LRP6: variants seen among roughly 807,000 people sequenced by gnomAD.
The protein encoded by LRP6 is low-density lipoprotein receptor-related protein 6.
A neutral mutation model predicts 184.1 loss-of-function variants in LRP6; 43 were observed. That is an observed-to-expected ratio of 0.23 (90% CI 0.18 to 0.30). LRP6 has a LOEUF of 0.30. Ranked by LOEUF, LRP6 falls within the 10% of genes least tolerant of loss-of-function variation. The pLI, the probability that LRP6 is intolerant of heterozygous loss-of-function variation, is 1.00. For missense variants in LRP6, 1,571 were observed against 2,005.3 expected, an observed-to-expected ratio of 0.78 and a Z score of 4.14; for synonymous variants, 719 against 684.9, an observed-to-expected ratio of 1.05 and a Z score of -0.78.
intron 16 of LRP6, 103 bp downstream of exon 16, chr12:12,138,222 A>G: frequency 8.7e-7 from 1 of 1,146,114 alleles, no homozygotes; most frequent in South Asian, 1.3e-5. Context: ...CTAAAAGTGC[A>G]TGAAAGTCTT....
At chr12:12,229,003 GAA>G (rs949218063) in intron 2 of LRP6, among the ~76,000 whole-genome samples, 4 of 152,266 alleles carry the variant, frequency 2.6e-5, no homozygotes, top group South Asian at 2.1e-4. Context: ...TGTGATGCAG[GAA>G]AAGTCCTGAG....
chr12:12,163,893 G>A lies in LRP6; in HGVS notation c.2052+380C>T, dbSNP rs546504810. On this transcript the variant is annotated intron_variant, in intron 9 of 22. Coordinates refer to ENST00000261349, the MANE Select transcript of LRP6 (RefSeq NM_002336.3). ...TCACGCCTGTAATCCCAGCACTTTGGGAGGACGAAGCGGGCGGATCACGAG... is the reference window on the plus strand; with the variant it reads ...TCACGCCTGTAATCCCAGCACTTTGAGAGGACGAAGCGGGCGGATCACGAG... 1.4e-4 allele frequency among the ~76,000 whole-genome samples: 22 copies of A among 152,342 alleles called. No individual in the cohort carries two copies. The East Asian group carries it at 4.0e-3, about 28-fold the overall frequency.
At position 12,219,242 on chromosome 12, in the gene LRP6, T is replaced by A. The variant is rs186885743; in HGVS notation, c.450-15842A>T. Among the ~76,000 whole-genome samples, 31 of 152,334 alleles carry A rather than the reference T, an allele frequency of 2.0e-4. No homozygotes were observed. The East Asian group carries it at 4.8e-3, about 24-fold the overall frequency. ...TGTTTTTTGAGACAGTCTCACTCTGTCGCCCAGGCTGGAGTGCAGTGGCAC... is the reference window on the plus strand; with the variant it reads ...TGTTTTTTGAGACAGTCTCACTCTGACGCCCAGGCTGGAGTGCAGTGGCAC... On this transcript the variant is annotated intron_variant, in intron 2 of 22. Coordinates refer to ENST00000261349, the MANE Select transcript of LRP6 (RefSeq NM_002336.3).
chr12:12,149,772 T>C (rs1210760213), intron 13 of LRP6, among the ~76,000 whole-genome samples: 1 of 152,090 alleles, frequency 6.6e-6, no homozygotes, highest in African/African-American at 2.4e-5. Context: ...CCTTTTCTGA[T>C]CCTCAAGTCT....
intron 19 of LRP6, among the ~76,000 whole-genome samples, chr12:12,129,864 A>C (rs113050244): frequency 3.9e-5 from 6 of 152,010 alleles, no homozygotes; most frequent in African/African-American, 1.4e-4. Context: ...CCCAATCTTA[A>C]ATACCATTTT....
At position 12,229,379 on chromosome 12, in the gene LRP6, AAAAAAAAAGAAGAAG is replaced by A. The variant is rs1442588637; in HGVS notation, c.449+14868_449+14882del. On this transcript the variant is annotated intron_variant, in intron 2 of 22. Transcript: ENST00000261349. Reference sequence around the variant, plus strand: ...AAGTGAAACTCCATTTCAAAAAAAAAAAAAAAAAGAAGAAGAAGAAGAATATCTCACACTGAGACT... The same window carrying A: ...AAGTGAAACTCCATTTCAAAAAAAAAAAGAAGAATATCTCACACTGAGACT... Among the ~76,000 whole-genome samples the A allele has an allele frequency of 5.4e-5, 7 of 130,126 alleles. No individual in the cohort carries two copies. In the South Asian group the frequency reaches 8.1e-4, roughly 15 times the overall value. The allele number at this position is 130,126 out of a possible 152,430, so 85.4% of individuals were successfully genotyped here. A position where few individuals can be genotyped will look rare whatever the true frequency, so the allele number is the denominator to read the frequency against.
chr12:12,149,309 A>C (rs1361771432), intron 13 of LRP6, among the ~76,000 whole-genome samples, 156 bp from the exon 14 acceptor site: 3 of 152,106 alleles, frequency 2.0e-5, no homozygotes, highest in Non-Finnish European at 2.9e-5. Flanking sequence ...TTTATGGGTA[A>C]TGTGCTTCTT....
intron 3 of LRP6, among the ~76,000 whole-genome samples, chr12:12,198,313 T>C (rs1295356762): frequency 1.3e-5 from 2 of 152,172 alleles, no homozygotes; most frequent in African/African-American, 4.8e-5. Flanking sequence ...TATCTGTATG[T>C]TGTTTCTTCT....
intron 1 of LRP6, among the ~76,000 whole-genome samples, chr12:12,252,938 A>G (rs7308022): frequency 0.14 from 21,322 of 152,148 alleles, 2,055 homozygotes; most frequent in African/African-American, 0.27. Context: ...ATCTATATTC[A>G]TAAATGACAT....
chr12:12,227,542 G>T (rs940649871), intron 2 of LRP6, among the ~76,000 whole-genome samples: 10 of 151,870 alleles, frequency 6.6e-5, no homozygotes, highest in Non-Finnish European at 1.5e-5. Flanking sequence ...CGAGTAGCTG[G>T]GATTACAGGC....
intron 10 of LRP6, among the ~76,000 whole-genome samples, chr12:12,161,202 T>A (rs77948649): frequency 6.6e-6 from 1 of 152,214 alleles, no homozygotes; most frequent in Non-Finnish European, 1.5e-5. Context: ...ATGGAATCAA[T>A]GTCACTTCAG....
At chr12:12,158,461 G>C (rs1165889980) in intron 12 of LRP6, among the ~76,000 whole-genome samples, 1 of 151,970 alleles carries the variant, frequency 6.6e-6, no homozygotes, top group African/African-American at 2.4e-5. Flanking sequence ...GAGTAGGTGG[G>C]ACTACAAATG....
intron 7 of LRP6, among the ~76,000 whole-genome samples, chr12:12,167,190 ACATAAT>A (rs1400469388): frequency 6.6e-6 from 1 of 152,354 alleles, no homozygotes; most frequent in Admixed American, 6.5e-5. Flanking sequence ...TTTTTAGTAA[ACATAAT>A]TCTGCATCTT....
intron 7 of LRP6, among the ~76,000 whole-genome samples, chr12:12,171,815 T>A (rs978862381): frequency 1.3e-5 from 2 of 152,220 alleles, no homozygotes; most frequent in Non-Finnish European, 2.9e-5. Context: ...AGCCACACAA[T>A]CTTTTTCTAC....
At chr12:12,151,746 T>C (rs1250349111) in intron 12 of LRP6, among the ~76,000 whole-genome samples, 1 of 152,172 alleles carries the variant, frequency 6.6e-6, no homozygotes, top group Non-Finnish European at 1.5e-5. Flanking sequence ...TCTCGCCATG[T>C]TGCCCAAGCT....
chr12:12,127,442 CTGA>C (rs1331081037), intron 19 of LRP6, among the ~76,000 whole-genome samples: 4 of 152,158 alleles, frequency 2.6e-5, no homozygotes, highest in Non-Finnish European at 5.9e-5. Flanking sequence ...ACATTTAGGC[CTGA>C]TGAATGAAAA....
rs7959734 is a variant in LRP6, at chr12:12,131,097, A to T, written c.3971-204T>A. Among the ~76,000 whole-genome samples, 7,418 of 78,344 alleles carry T rather than the reference A, an allele frequency of 0.095. 760 individuals are homozygous for T. The highest frequency in any genetic ancestry group is 0.27 in the African/African-American group (6,770 of 25,256). The allele number at this position is 78,344 out of a possible 152,430, so 51.4% of individuals were successfully genotyped here. On this transcript the variant is annotated intron_variant, in intron 18 of 22. Transcript: ENST00000261349. ...AAAATCCAGCAGGAAATTTCCTAAC[A>T]TTTTTTTTTTTTTTTTTTTTTTTTT...
chr12:12,150,000 T>A (rs1253295206), intron 13 of LRP6, among the ~76,000 whole-genome samples: 1 of 152,154 alleles, frequency 6.6e-6, no homozygotes, highest in African/African-American at 2.4e-5. Flanking sequence ...GCCCTAAATA[T>A]ATTACCTCCT....
At chr12:12,175,486 G>A (rs1210268738) in intron 7 of LRP6, among the ~76,000 whole-genome samples, 1 of 151,892 alleles carries the variant, frequency 6.6e-6, no homozygotes, top group African/African-American at 2.4e-5. Flanking sequence ...AGGAGATCGA[G>A]ACCAGCCTGG....
Sources: allele counts gnomAD v4.1 joint callset (sites outside exome capture counted in the v4.1 genomes callset), GRCh38; gene constraint gnomAD v4.1.1; transcripts MANE v1.5; gene names NCBI Gene and HGNC (gene_info 2026-07-23, HGNC 2026-07-21).